PCDH15: variants seen among roughly 807,000 people sequenced by gnomAD.
PCDH15 encodes protocadherin-15.
Under a neutral mutation model 178.5 loss-of-function variants are expected in PCDH15, and 129 were observed. The ratio of observed to expected loss-of-function variants is 0.72; its 90% CI spans 0.63 to 0.84. The LOEUF (loss-of-function observed/expected upper bound fraction) is 0.84. Ranked by LOEUF, PCDH15 falls within the 40% of genes least tolerant of loss-of-function variation. PCDH15 has a pLI of 0.00. For missense variants in PCDH15, 2,230 were observed against 2,099.9 expected (o/e 1.06, Z -1.21); for synonymous variants, 800 against 732.0 (o/e 1.09, Z -1.50).
intron 1 of PCDH15, among the ~76,000 whole-genome samples, chr10:55,312,062 C>T (rs953587868): frequency 6.6e-6 from 1 of 152,152 alleles, no homozygotes; most frequent in African/African-American, 2.4e-5. Flanking sequence ...TGAATTTCAT[C>T]TGCTGTGAGT....
intron 20 of PCDH15, among the ~76,000 whole-genome samples, chr10:54,015,240 T>C (rs2092705024): frequency 6.6e-6 from 1 of 152,092 alleles, no homozygotes; most frequent in Admixed American, 6.6e-5. Context: ...AAAATATTGC[T>C]CAGTGAAATC....
At chr10:54,985,206 G>T (rs545741531) in intron 2 of PCDH15, among the ~76,000 whole-genome samples, 1 of 151,978 alleles carries the variant, frequency 6.6e-6, no homozygotes, top group East Asian at 1.9e-4. Flanking sequence ...TCATGCCTTA[G>T]GTATATTATG....
At chr10:54,052,214 G>T (rs935788021) in intron 18 of PCDH15, among the ~76,000 whole-genome samples, 3 of 152,162 alleles carry the variant, frequency 2.0e-5, no homozygotes, top group Non-Finnish European at 4.4e-5. Flanking sequence ...TTAGAAGAGG[G>T]CCACCATCCT....
At chr10:54,282,204 G>A (rs1437507977) in intron 8 of PCDH15, among the ~76,000 whole-genome samples, 2 of 152,046 alleles carry the variant, frequency 1.3e-5, no homozygotes, top group Non-Finnish European at 2.9e-5. Flanking sequence ...AAAGTCTCAG[G>A]TTTCACCCCA....
At chr10:55,535,756 T>G (rs1206543155) in intron 2 of PCDH15, among the ~76,000 whole-genome samples, 1 of 152,036 alleles carries the variant, frequency 6.6e-6, no homozygotes, top group Non-Finnish European at 1.5e-5. Context: ...CTGTACTCTT[T>G]TTGCCTTATT....
intron 15 of PCDH15, among the ~76,000 whole-genome samples, chr10:54,125,264 G>A (rs1170235614): frequency 6.6e-6 from 1 of 151,650 alleles, no homozygotes; most frequent in Non-Finnish European, 1.5e-5. Context: ...ACCTGTTATT[G>A]CAGTTTCCAA....
chr10:54,558,846 T>G (rs11004382), intron 2 of PCDH15, among the ~76,000 whole-genome samples: 37,549 of 151,882 alleles, frequency 0.25, 4,908 homozygotes, highest in Admixed American at 0.34. Context: ...CCCACTTCTA[T>G]TTTTAAAAAT....
intron 1 of PCDH15, among the ~76,000 whole-genome samples, chr10:55,296,851 A>G (rs1843145199): frequency 6.6e-6 from 1 of 152,124 alleles, no homozygotes; most frequent in Admixed American, 6.6e-5. Context: ...ACACCCCCCA[A>G]AATCATCTCA....
intron 2 of PCDH15, among the ~76,000 whole-genome samples, chr10:55,127,710 T>C (rs1469976256): frequency 6.6e-6 from 1 of 152,082 alleles, no homozygotes; most frequent in African/African-American, 2.4e-5. Flanking sequence ...CTATTTGTAA[T>C]CAATTGAGAA....
rs906089844 is a variant in PCDH15 at position 54,153,352 on chromosome 10, GTTT to G, written c.1591-62_1591-60del. On this transcript the variant is annotated intron_variant, in intron 13 of 37. Coordinates refer to ENST00000644397, the MANE Select transcript of PCDH15 (RefSeq NM_001384140.1). ...GGTCTCAACTTTTCACCACCATGTCGTTTTTTCCCCCAACAAAAGAAGCTTGCT... is the reference window on the plus strand; with the variant it reads ...GGTCTCAACTTTTCACCACCATGTCGTTTCCCCCAACAAAAGAAGCTTGCT... 8.9e-6 allele frequency: 14 copies of G among 1,572,930 alleles called. No individual in the cohort carries two copies. In the African/African-American group the frequency reaches 1.8e-4, roughly 20 times the overall value.
intron 1 of PCDH15, among the ~76,000 whole-genome samples, chr10:55,316,402 T>A (rs1009348115): frequency 6.6e-6 from 1 of 152,184 alleles, no homozygotes; most frequent in Admixed American, 6.5e-5. Flanking sequence ...CATTCATAAA[T>A]AAAACTTCTA....
intron 2 of PCDH15, among the ~76,000 whole-genome samples, chr10:55,565,518 T>C (rs906420348): frequency 6.6e-6 from 1 of 151,388 alleles, no homozygotes; most frequent in African/African-American, 2.4e-5. Context: ...AGAGCAGAGA[T>C]AGACAAAATA....
intron 1 of PCDH15, among the ~76,000 whole-genome samples, chr10:54,800,696 A>C (rs1205022793): frequency 2.6e-5 from 4 of 152,216 alleles, no homozygotes; most frequent in Non-Finnish European, 2.9e-5. Context: ...ATCTAAACAA[A>C]ATTACAATAC....
intron 2 of PCDH15, among the ~76,000 whole-genome samples, chr10:55,360,049 G>A (rs1845191123): frequency 6.6e-6 from 1 of 151,804 alleles, no homozygotes; most frequent in African/African-American, 2.4e-5. Flanking sequence ...GGAAGAACAA[G>A]TTCTAGAGAT....
intron 5 of PCDH15, among the ~76,000 whole-genome samples, chr10:54,359,458 T>C (rs1945638610): frequency 6.6e-6 from 1 of 151,996 alleles, no homozygotes. Context: ...TAAATTGTTC[T>C]CATATTATTT....
At chr10:55,453,609 T>C (rs1839481979) in intron 2 of PCDH15, among the ~76,000 whole-genome samples, 1 of 152,062 alleles carries the variant, frequency 6.6e-6, no homozygotes, top group African/African-American at 2.4e-5. Context: ...GGGGGTCAAC[T>C]AGATTCTATG....
chr10:54,905,602 T>C (rs1208215837), intron 2 of PCDH15, among the ~76,000 whole-genome samples: 1 of 152,156 alleles, frequency 6.6e-6, no homozygotes, highest in Admixed American at 6.5e-5. Context: ...TGCCAGTTCC[T>C]GGGACAGTTA....
chr10:53,820,211 G>A lies in PCDH15; in HGVS notation c.4387C>T (p.Leu1463=). Reference sequence around the variant, plus strand: ...GCACAAGTTCTCATGCATATGACCAGCTGCCAACAAAAACTCCAACTGAAG... The same window carrying A: ...GCACAAGTTCTCATGCATATGACCAACTGCCAACAAAAACTCCAACTGAAG... ...DSSIWSFCWQ[L]VICMRTCAIW... is the part of the protein sequence containing the mutation. The change falls in exon 33 of 38, where the codon CTG becomes TTG. Residue 1463 remains leucine (L), a synonymous_variant. Transcript: ENST00000644397. The A allele has an allele frequency of 2.5e-6, 1 of 397,804 alleles. No homozygotes were observed. The highest frequency in any genetic ancestry group is 4.4e-6 in the Non-Finnish European group (1 of 225,484). The allele number at this position is 397,804 out of a possible 1,614,324, so 24.6% of individuals were successfully genotyped here.
At chr10:55,531,977 G>T (rs989960128) in intron 2 of PCDH15, among the ~76,000 whole-genome samples, 1 of 151,896 alleles carries the variant, frequency 6.6e-6, no homozygotes, top group African/African-American at 2.4e-5. Context: ...ATACGAAGAA[G>T]TGAATAAATA....
Sources: gnomAD v4.1 joint callset for allele counts (sites outside exome capture counted in the v4.1 genomes callset) on GRCh38, gnomAD v4.1.1 for gene constraint, MANE v1.5 for transcripts, NCBI Gene and HGNC (gene_info 2026-07-23, HGNC 2026-07-21) for gene names.